CASR: variants seen among roughly 807,000 people sequenced by gnomAD.
CASR encodes calcium sensing receptor, also known as extracellular calcium-sensing receptor.
CASR carries 23 observed loss-of-function variants against 69.1 expected under a neutral mutation model. That is an observed-to-expected ratio of 0.33 (90% CI 0.24 to 0.47). The LOEUF (loss-of-function observed/expected upper bound fraction) is 0.47. Among genes scored for constraint, CASR ranks in the 20% least tolerant of loss-of-function variants. The probability of loss-of-function intolerance (pLI) is 1.00; values close to 1 mark genes in which losing one functional copy is unlikely to be tolerated. For synonymous variants in CASR, 541 were observed against 544.7 expected (o/e 0.99, Z 0.10); for missense variants, 924 against 1,356.1 (o/e 0.68, Z 5.00).
chr3:122,201,612 G>A (rs1427903023), intron 1 of CASR, among the ~76,000 whole-genome samples: 7 of 147,472 alleles, frequency 4.7e-5, no homozygotes, highest in East Asian at 2.0e-4. Context: ...CAGACAGGGC[G>A]GCTGGCCGGG....
intron 1 of CASR, among the ~76,000 whole-genome samples, chr3:122,252,843 A>G (rs1158532018): frequency 6.6e-6 from 1 of 152,222 alleles, no homozygotes; most frequent in Non-Finnish European, 1.5e-5. Context: ...TTCATGTGGC[A>G]GTGTCCAGTT....
intron 1 of CASR, chr3:122,246,739 G>T (rs1488420743): frequency 6.6e-6 from 1 of 152,206 alleles, no homozygotes; most frequent in African/African-American, 2.4e-5. Flanking sequence ...GTCAGGTCTT[G>T]TTTTTCTTTT....
At chr3:122,199,262 G>A (rs1007123828) in intron 1 of CASR, among the ~76,000 whole-genome samples, 10 of 152,180 alleles carry the variant, frequency 6.6e-5, no homozygotes, top group Admixed American at 6.5e-4. Flanking sequence ...CTCATCCACT[G>A]CAAGTTCTTC....
intron 1 of CASR, among the ~76,000 whole-genome samples, chr3:122,185,877 G>A (rs995845972): frequency 6.6e-6 from 1 of 152,168 alleles, no homozygotes; most frequent in Non-Finnish European, 1.5e-5. Flanking sequence ...GAAGGAAGAA[G>A]CAGGCCAAGA....
chr3:122,187,489 A>T (rs1032286372), intron 1 of CASR, among the ~76,000 whole-genome samples: 1 of 152,234 alleles, frequency 6.6e-6, no homozygotes, highest in African/African-American at 2.4e-5. Flanking sequence ...CCAACATTTA[A>T]GGAGTTCATA....
At chr3:122,269,307 CA>C (rs765310483) in intron 4 of CASR, among the ~76,000 whole-genome samples, 32 of 152,286 alleles carry the variant, frequency 2.1e-4, no homozygotes, top group East Asian at 7.7e-4. Context: ...TGCATCTGAT[CA>C]GGGGGAAAGC....
At chr3:122,245,182 G>A (rs528905754) in intron 1 of CASR, among the ~76,000 whole-genome samples, 27 of 152,140 alleles carry the variant, frequency 1.8e-4, no homozygotes, top group African/African-American at 6.0e-4. Flanking sequence ...CTAATATAAC[G>A]TGAATGCTCC....
intron 1 of CASR, among the ~76,000 whole-genome samples, chr3:122,195,045 C>T (rs1292019539): frequency 7.4e-6 from 1 of 135,480 alleles, no homozygotes; most frequent in African/African-American, 2.8e-5. Flanking sequence ...TCTCTTTCTT[C>T]ACTTCCCTCC....
At chr3:122,268,491 A>C (rs899725492) in intron 4 of CASR, among the ~76,000 whole-genome samples, 1 of 152,172 alleles carries the variant, frequency 6.6e-6, no homozygotes, top group Non-Finnish European at 1.5e-5. Context: ...GTGGTTTCCA[A>C]GTGAAGACAC....
intron 1 of CASR, among the ~76,000 whole-genome samples, chr3:122,251,041 G>T (rs750206116): frequency 1.2e-4 from 18 of 152,234 alleles, no homozygotes; most frequent in Non-Finnish European, 2.2e-4. Context: ...GCAGGACTAG[G>T]GTCAGAAAAC....
At position 122,254,387 on chromosome 3, in the gene CASR, G is replaced by T. The variant is rs775979608; in HGVS notation, c.185+13G>T. ...TGGAATGTATCAGGTAAGAAGAGGG[G>T]CCTAATCTGCCAATCTCTTCTCTTC... is the stretch of plus-strand genomic sequence containing the variant. On this transcript the variant is annotated intron_variant, in intron 2 of 6. Transcript: ENST00000639785. The T allele has an allele frequency of 2.5e-6, 4 of 1,611,894 alleles. No individual in the cohort carries two copies. Among genetic ancestry groups the T allele is most frequent in the East Asian group, 2.2e-5 (1 of 44,868 alleles).
chr3:122,236,579 C>T (rs1430905788), intron 1 of CASR, among the ~76,000 whole-genome samples: 2 of 152,120 alleles, frequency 1.3e-5, no homozygotes, highest in African/African-American at 4.8e-5. Flanking sequence ...GAAGGGACTA[C>T]TCAAGCAAAT....
intron 1 of CASR, among the ~76,000 whole-genome samples, chr3:122,190,274 G>T (rs1003773407): frequency 1.3e-5 from 2 of 152,202 alleles, no homozygotes; most frequent in Non-Finnish European, 2.9e-5. Context: ...GAGATTCGGG[G>T]AAAGGTAGTG....
At chr3:122,224,458 G>T (rs1017803735) in intron 1 of CASR, among the ~76,000 whole-genome samples, 3 of 151,976 alleles carry the variant, frequency 2.0e-5, no homozygotes, top group African/African-American at 7.2e-5. Context: ...GCAAAAAGAA[G>T]AAAATGCCTA....
intron 1 of CASR, among the ~76,000 whole-genome samples, chr3:122,200,017 C>T (rs2073927044): frequency 6.6e-6 from 1 of 152,226 alleles, no homozygotes. Flanking sequence ...AAGCGATTCT[C>T]CTGCCTCAGC....
intron 1 of CASR, among the ~76,000 whole-genome samples, chr3:122,245,961 A>G (rs9825531): frequency 0.02 from 3,102 of 152,274 alleles, 106 homozygotes; most frequent in African/African-American, 0.071. Context: ...GGGGGGAAAA[A>G]ATTACTTCCC....
intron 1 of CASR, among the ~76,000 whole-genome samples, chr3:122,238,040 A>G (rs2074345807): frequency 6.6e-6 from 1 of 152,224 alleles, no homozygotes; most frequent in Admixed American, 6.5e-5. Context: ...CCCTGCAGGA[A>G]CACCACATTT....
chr3:122,271,767 A>T (rs1329119142), intron 4 of CASR, among the ~76,000 whole-genome samples: 1 of 152,176 alleles, frequency 6.6e-6, no homozygotes, highest in African/African-American at 2.4e-5. Context: ...TAGGCCCCCA[A>T]AGCCCCAGTC....
rs1053510644 is a variant in CASR at position 122,290,529 on chromosome 3, A to T, written c.*5338A>T. 5.9e-5 allele frequency: 9 copies of T among 152,206 alleles called. No homozygotes were observed. The highest frequency in any genetic ancestry group is 5.2e-4 in the Admixed American group (8 of 15,282). The allele number at this position is 152,206 out of a possible 1,614,324, so 9.4% of individuals were successfully genotyped here. ...ATAAATGAAGATTGCTTGGTAATGG[A>T]CTAATGGATAATTGTTTCTGCTTCT... On this transcript the variant is annotated 3_prime_UTR_variant, in exon 7 of 7. Transcript: ENST00000639785.
Sources: allele counts gnomAD v4.1 joint callset (sites outside exome capture counted in the v4.1 genomes callset), GRCh38; gene constraint gnomAD v4.1.1; transcripts MANE v1.5; gene names NCBI Gene and HGNC (gene_info 2026-07-23, HGNC 2026-07-21).